The following SV2C variants were observed in gnomAD, a reference collection of about 807,000 sequenced individuals.
The protein encoded by SV2C is synaptic vesicle glycoprotein 2C.
Under a neutral mutation model 79.7 loss-of-function variants are expected in SV2C, and 49 were observed. The ratio of observed to expected loss-of-function variants is 0.61; its 90% CI spans 0.49 to 0.78. The LOEUF is 0.78. Ranked by LOEUF, SV2C falls within the 30% of genes least tolerant of loss-of-function variation. SV2C has a pLI of 0.00. For synonymous variants in SV2C, 334 were observed against 333.2 expected, an observed-to-expected ratio of 1.00 and a Z score of -0.03; for missense variants, 833 against 912.9, an observed-to-expected ratio of 0.91 and a Z score of 1.13.
At chr5:75,987,610 T>C in the SV2C span, among the ~76,000 whole-genome samples, 14 of 152,104 alleles carry the variant, frequency 9.2e-5, no homozygotes, top group African/African-American at 3.4e-4. Flanking sequence ...GTAGATATTG[T>C]TATTCAGAGC....
intron 2 of SV2C, among the ~76,000 whole-genome samples, chr5:76,148,888 A>G (rs1321563894): frequency 6.6e-6 from 1 of 152,208 alleles, no homozygotes; most frequent in African/African-American, 2.4e-5. Flanking sequence ...TAGTTAGTAC[A>G]TAGATTGTTT....
At chr5:76,285,021 T>C in intron 4 of SV2C, 141 bp from the exon 5 acceptor site, 2 of 1,248,878 alleles carry the variant, frequency 1.6e-6, no homozygotes, top group Middle Eastern at 2.9e-4. Flanking sequence ...CTGGCCACCA[T>C]GGATGATGCC....
intron 4 of SV2C, among the ~76,000 whole-genome samples, chr5:76,223,460 T>C (rs866470438): frequency 0.022 from 949 of 42,990 alleles, 23 homozygotes; most frequent in Middle Eastern, 0.031. Context: ...TATATATATA[T>C]ATATATATAT....
chr5:76,028,547 G>A, the SV2C span, among the ~76,000 whole-genome samples: 2 of 152,168 alleles, frequency 1.3e-5, no homozygotes, highest in African/African-American at 4.8e-5. Flanking sequence ...TTTACACAGT[G>A]GCAGCAAATC....
downstream of SV2C, among the ~76,000 whole-genome samples, chr5:76,336,867 A>G (rs1749340382): frequency 6.6e-6 from 1 of 152,256 alleles, no homozygotes; most frequent in African/African-American, 2.4e-5. Context: ...TGGCAAGTAC[A>G]GGAATTCACC....
chr5:76,092,342 T>C (rs1035664403), intron 1 of SV2C, among the ~76,000 whole-genome samples: 1 of 152,234 alleles, frequency 6.6e-6, no homozygotes, highest in Non-Finnish European at 1.5e-5. Flanking sequence ...TAAGTATTAG[T>C]GTTCTAGTGG....
intron 4 of SV2C, among the ~76,000 whole-genome samples, chr5:76,280,038 A>C (rs544558222): frequency 1.3e-5 from 2 of 152,250 alleles, no homozygotes; most frequent in South Asian, 4.1e-4. Context: ...GAAGATGAGG[A>C]GTATGTAGTT....
chr5:76,195,072 T>C lies in SV2C; in HGVS notation c.734T>C (p.Leu245Pro). The change falls in exon 3 of 13, where the codon CTC becomes CCC. Residue 245 changes from leucine to proline, a missense_variant. Transcript: ENST00000502798. ...SSFVQGYGFF[L>P]FCRLLSGFGI... ...TTTGTCCAAGGTTATGGCTTCTTTC[T>C]CTTCTGTCGCTTACTTTCTGGATTC... The C allele has an allele frequency of 6.2e-7, 1 of 1,613,928 alleles. No individual in the cohort carries two copies. The highest frequency in any genetic ancestry group is 8.5e-7 in the Non-Finnish European group (1 of 1,179,898).
At chr5:75,969,114 C>T in the SV2C span, among the ~76,000 whole-genome samples, 3 of 152,100 alleles carry the variant, frequency 2.0e-5, no homozygotes, top group Non-Finnish European at 2.9e-5. Context: ...ACTTTACAGA[C>T]AAACAAATGC....
chr5:76,234,813 GTGCTTACT>G (rs1337205701), intron 4 of SV2C, among the ~76,000 whole-genome samples: 10 of 152,160 alleles, frequency 6.6e-5, no homozygotes. Context: ...AGTGTGGCCT[GTGCTTACT>G]TGATTTATAA....
chr5:76,244,405 T>A (rs1429772402), intron 4 of SV2C, among the ~76,000 whole-genome samples: 1 of 152,226 alleles, frequency 6.6e-6, no homozygotes, highest in Non-Finnish European at 1.5e-5. Flanking sequence ...TGCTGTCCAG[T>A]AGAAATATAA....
the SV2C span, among the ~76,000 whole-genome samples, chr5:75,966,805 C>T: frequency 5.1e-4 from 78 of 152,256 alleles, no homozygotes; most frequent in African/African-American, 1.8e-3. Flanking sequence ...GCCAAGAACC[C>T]TCCTGGACTA....
the SV2C span, among the ~76,000 whole-genome samples, chr5:76,070,912 G>A: frequency 6.6e-6 from 1 of 152,160 alleles, no homozygotes; most frequent in Non-Finnish European, 1.5e-5. Flanking sequence ...CCATTTTCAG[G>A]AAGTCTTCGG....
At chr5:76,352,018 G>T (rs1486427086) in intron 12 of SV2C, among the ~76,000 whole-genome samples, 2 of 152,166 alleles carry the variant, frequency 1.3e-5, no homozygotes, top group Admixed American at 1.3e-4. Context: ...TTCGAGACCA[G>T]CCTGGCCAAC....
At chr5:76,241,427 A>G (rs1473019038) in intron 4 of SV2C, among the ~76,000 whole-genome samples, 1 of 152,156 alleles carries the variant, frequency 6.6e-6, no homozygotes, top group Non-Finnish European at 1.5e-5. Context: ...CACATTTAGC[A>G]TGTTGTTTAA....
intron 12 of SV2C, among the ~76,000 whole-genome samples, chr5:76,322,526 G>A (rs183720227): frequency 1.4e-3 from 210 of 152,268 alleles, no homozygotes; most frequent in Admixed American, 3.5e-3. Context: ...CACAGAATTA[G>A]AAAAAGCTAC....
the SV2C span, among the ~76,000 whole-genome samples, chr5:76,058,622 A>T: frequency 6.6e-6 from 1 of 152,166 alleles, no homozygotes; most frequent in Non-Finnish European, 1.5e-5. Flanking sequence ...AGAATATTCC[A>T]AGTGCTGAAT....
the SV2C span, among the ~76,000 whole-genome samples, chr5:76,031,772 T>C: frequency 6.6e-6 from 1 of 152,212 alleles, no homozygotes; most frequent in Non-Finnish European, 1.5e-5. Flanking sequence ...TAGTTGACAT[T>C]AGAAATTATG....
At chr5:75,871,685 G>C in the SV2C span, among the ~76,000 whole-genome samples, 1 of 151,634 alleles carries the variant, frequency 6.6e-6, no homozygotes, top group Non-Finnish European at 1.5e-5. Flanking sequence ...GCGTGTGACT[G>C]TGATCCCAAC....
Sources: allele counts gnomAD v4.1 joint callset (sites outside exome capture counted in the v4.1 genomes callset), GRCh38; gene constraint gnomAD v4.1.1; transcripts MANE v1.5; gene names NCBI Gene and HGNC (gene_info 2026-07-23, HGNC 2026-07-21).